GRM8: variants seen among roughly 807,000 people sequenced by gnomAD.
GRM8 encodes metabotropic glutamate receptor 8.
In GRM8, 47 loss-of-function variants were observed where a neutral mutation model predicts 87.2. The ratio of observed to expected loss-of-function variants is 0.54; its 90% CI spans 0.43 to 0.69. The LOEUF is 0.69. Among genes scored for constraint, GRM8 ranks in the 30% least tolerant of loss-of-function variants. The probability of loss-of-function intolerance (pLI) is 0.00; values close to 1 mark genes in which losing one functional copy is unlikely to be tolerated. For missense variants in GRM8, 1,019 were observed against 1,139.2 expected (o/e 0.89, Z 1.52); for synonymous variants, 396 against 404.5 (o/e 0.98, Z 0.25).
At chr7:126,897,413 T>C (rs1801646925) in intron 6 of GRM8, among the ~76,000 whole-genome samples, 1 of 151,660 alleles carries the variant, frequency 6.6e-6, no homozygotes. Flanking sequence ...AATGAGGCAA[T>C]GAAGGGAGAG....
chr7:126,562,798 G>A lies in GRM8; in HGVS notation c.1495-28911C>T, dbSNP rs141749120. On this transcript the variant is annotated intron_variant, in intron 8 of 10. Transcript: ENST00000339582. ...TGTAATCCCAGCTACTTGGGAGGCT[G>A]AGGCAGGAGAACCGCTTGAACCCAG... Among the ~76,000 whole-genome samples, 779 of 152,292 alleles carry A rather than the reference G, an allele frequency of 5.1e-3. 6 individuals are homozygous for A. Among genetic ancestry groups the A allele is most frequent in the African/African-American group, 0.018 (743 of 41,550 alleles).
chr7:127,141,883 G>A (rs1452557885), intron 2 of GRM8, among the ~76,000 whole-genome samples: 1 of 152,008 alleles, frequency 6.6e-6, no homozygotes, highest in African/African-American at 2.4e-5. Flanking sequence ...ATTAGCCTGG[G>A]GCTTCACAAA....
intron 2 of GRM8, among the ~76,000 whole-genome samples, chr7:127,230,558 C>A (rs7806403): frequency 0.077 from 11,721 of 152,166 alleles, 667 homozygotes; most frequent in African/African-American, 0.16. Flanking sequence ...GTGTATCCCC[C>A]ACCAGAATTC....
At chr7:126,750,726 TAGAG>T (rs1162588554) in intron 7 of GRM8, among the ~76,000 whole-genome samples, 2 of 152,146 alleles carry the variant, frequency 1.3e-5, no homozygotes, top group East Asian at 1.9e-4. Flanking sequence ...ATCTCACACT[TAGAG>T]AGAACTAGTC....
chr7:127,145,801 C>G (rs1396757938), intron 2 of GRM8, among the ~76,000 whole-genome samples: 1 of 151,958 alleles, frequency 6.6e-6, no homozygotes, highest in Non-Finnish European at 1.5e-5. Flanking sequence ...AGAACAAAAA[C>G]GCAAATAAGT....
intron 9 of GRM8, among the ~76,000 whole-genome samples, chr7:126,529,682 C>A (rs10266984): frequency 0.015 from 2,262 of 152,130 alleles, 48 homozygotes; most frequent in African/African-American, 0.048. Flanking sequence ...AGTGTCATAA[C>A]CCTTGTCTGA....
intron 6 of GRM8, among the ~76,000 whole-genome samples, chr7:126,791,462 G>A (rs1296285753): frequency 6.6e-6 from 1 of 152,166 alleles, no homozygotes; most frequent in Non-Finnish European, 1.5e-5. Flanking sequence ...AAGTCCTGCT[G>A]TAACCAGGTA....
rs557278705 is a variant in GRM8 at position 127,105,318 on chromosome 7, A to T, written c.727+1178T>A. ...TACAGCAGGTGTGAACAGTTGTCCA[A>T]TTAAATCAATTAGCCCAATCTGTCC... On this transcript the variant is annotated intron_variant, in intron 3 of 10. Transcript: ENST00000339582. 3.3e-5 allele frequency: 5 copies of T among 152,358 alleles called. No individual in the cohort carries two copies. In the East Asian group the frequency reaches 7.7e-4, roughly 23 times the overall value. 9.4% of individuals were successfully genotyped at this position (152,358 alleles called of 1,614,324 possible).
At chr7:126,755,484 T>A (rs1816899887) in intron 7 of GRM8, among the ~76,000 whole-genome samples, 1 of 151,958 alleles carries the variant, frequency 6.6e-6, no homozygotes, top group African/African-American at 2.4e-5. Context: ...AAGCACTTAT[T>A]TTTAGAAAAA....
At chr7:126,656,537 C>T (rs185904694) in intron 7 of GRM8, among the ~76,000 whole-genome samples, 4 of 81,796 alleles carry the variant, frequency 4.9e-5, no homozygotes, top group Admixed American at 2.6e-4. Context: ...TTTGGTGGCA[C>T]GTGCCTGTAA....
At chr7:126,667,670 G>A (rs1223652623) in intron 7 of GRM8, among the ~76,000 whole-genome samples, 1 of 152,198 alleles carries the variant, frequency 6.6e-6, no homozygotes, top group Admixed American at 6.5e-5. Flanking sequence ...GAATGATGTA[G>A]GCTGGTGAGC....
At chr7:126,534,854 T>C (rs1815435141) in intron 8 of GRM8, among the ~76,000 whole-genome samples, 3 of 152,148 alleles carry the variant, frequency 2.0e-5, no homozygotes, top group Middle Eastern at 3.2e-3. Context: ...GTAAGCTCTA[T>C]GAAGTGAGTA....
At chr7:126,990,086 T>C (rs938005488) in intron 3 of GRM8, among the ~76,000 whole-genome samples, 1 of 152,200 alleles carries the variant, frequency 6.6e-6, no homozygotes, top group Non-Finnish European at 1.5e-5. Context: ...TTAAAATTCA[T>C]ACATATATTC....
At position 126,560,756 on chromosome 7, in the gene GRM8, T is replaced by C. The variant is rs1012232724; in HGVS notation, c.1495-26869A>G. Among the ~76,000 whole-genome samples the C allele has an allele frequency of 2.0e-5, 3 of 152,334 alleles. No homozygotes were observed. In the East Asian group the frequency reaches 5.8e-4, roughly 29 times the overall value. On this transcript the variant is annotated intron_variant, in intron 8 of 10. Transcript: ENST00000339582. ...AAGAAATAATTAAACAATTCTGAAG[T>C]TGATGACATTTAGGAATGGGATAAG...
chr7:126,689,618 G>A (rs548799765), intron 7 of GRM8, among the ~76,000 whole-genome samples: 3 of 152,150 alleles, frequency 2.0e-5, no homozygotes, highest in Non-Finnish European at 4.4e-5. Flanking sequence ...GATCTAGGGG[G>A]TGGCTGGAAA....
At chr7:126,601,777 T>A (rs1395133922) in intron 8 of GRM8, among the ~76,000 whole-genome samples, 2 of 144,066 alleles carry the variant, frequency 1.4e-5, no homozygotes, top group Non-Finnish European at 3.0e-5. Flanking sequence ...TTTGATGGGG[T>A]TGTTTGTTTT....
intron 3 of GRM8, among the ~76,000 whole-genome samples, chr7:126,937,272 A>T (rs77793284): frequency 3.4e-5 from 2 of 59,510 alleles, no homozygotes; most frequent in East Asian, 3.3e-3. Flanking sequence ...GGAGTGGGCT[A>T]CCAAACCAAT....
chr7:126,864,282 C>A (rs1008144159), intron 6 of GRM8, among the ~76,000 whole-genome samples: 9 of 152,130 alleles, frequency 5.9e-5, no homozygotes, highest in African/African-American at 2.2e-4. Flanking sequence ...ATTCACTTCT[C>A]TACTACATAC....
At chr7:126,622,505 G>A (rs566246365) in intron 7 of GRM8, among the ~76,000 whole-genome samples, 3 of 151,544 alleles carry the variant, frequency 2.0e-5, no homozygotes, top group Non-Finnish European at 2.9e-5. Context: ...AAAATCTACC[G>A]CCTACCTGTA....
Sources: gnomAD v4.1 joint callset for allele counts (sites outside exome capture counted in the v4.1 genomes callset) on GRCh38, gnomAD v4.1.1 for gene constraint, MANE v1.5 for transcripts, NCBI Gene and HGNC (gene_info 2026-07-23, HGNC 2026-07-21) for gene names.